Variants in CBLB observed in about 807,000 individuals in gnomAD.
CBLB encodes Cbl proto-oncogene B, also known as E3 ubiquitin-protein ligase CBL-B.
In CBLB, 31 loss-of-function variants were observed where a neutral mutation model predicts 104.9. The ratio of observed to expected loss-of-function variants is 0.30; its 90% CI spans 0.22 to 0.40. The LOEUF is 0.40. CBLB is among the 10% of genes least tolerant of loss of function. The pLI is 1.00. For synonymous variants in CBLB, 440 were observed against 422.6 expected (o/e 1.04, Z -0.51); for missense variants, 1,062 against 1,214.6 (o/e 0.87, Z 1.87).
At chr3:105,713,142 T>C (rs2071343161) in intron 10 of CBLB, among the ~76,000 whole-genome samples, 1 of 152,172 alleles carries the variant, frequency 6.6e-6, no homozygotes, top group Admixed American at 6.5e-5. Flanking sequence ...TAACAACCAA[T>C]ACTTAGCATT....
intron 3 of CBLB, among the ~76,000 whole-genome samples, chr3:105,849,841 T>C (rs1384641098): frequency 6.6e-6 from 1 of 152,084 alleles, no homozygotes; most frequent in Non-Finnish European, 1.5e-5. Context: ...AAAAGAATTA[T>C]AAAGACATTT....
chr3:105,836,917 T>C (rs941776300), intron 3 of CBLB, among the ~76,000 whole-genome samples: 12 of 150,430 alleles, frequency 8.0e-5, no homozygotes, highest in African/African-American at 2.7e-4. Flanking sequence ...ATTCAAAATA[T>C]CTCAGATGTC....
At position 105,867,394 on chromosome 3, in the gene CBLB, G is replaced by T. The variant is rs199855968; in HGVS notation, c.168+16C>A. ...GTGAATAGTGTTTCGCACAGGCAAC[G>T]TCAGACAGAACTTACCACTTTGTCC... On this transcript the variant is annotated intron_variant, in intron 2 of 18. Transcript: ENST00000394030. 8 of 1,613,122 alleles carry T rather than the reference G, an allele frequency of 5.0e-6. No individual in the cohort carries two copies. The highest frequency in any genetic ancestry group is 5.9e-6 in the Non-Finnish European group (7 of 1,179,068).
intron 3 of CBLB, among the ~76,000 whole-genome samples, chr3:105,796,235 CA>C (rs1417539344): frequency 6.6e-6 from 1 of 152,048 alleles, no homozygotes; most frequent in Admixed American, 6.5e-5. Flanking sequence ...GGTACTGGTA[CA>C]AAAATAGATA....
intron 3 of CBLB, among the ~76,000 whole-genome samples, chr3:105,785,400 G>C (rs1232279123): frequency 1.3e-5 from 2 of 152,114 alleles, no homozygotes; most frequent in African/African-American, 2.4e-5. Flanking sequence ...TGTGAGTTCT[G>C]AGACCTTTTA....
At chr3:105,851,558 G>A (rs1279411675) in intron 3 of CBLB, among the ~76,000 whole-genome samples, 1 of 152,144 alleles carries the variant, frequency 6.6e-6, no homozygotes, top group Non-Finnish European at 1.5e-5. Context: ...ATCAACAATA[G>A]TTTATCAACT....
At chr3:105,781,556 A>C (rs62261536) in intron 3 of CBLB, among the ~76,000 whole-genome samples, 26,215 of 152,188 alleles carry the variant, frequency 0.17, 2,643 homozygotes, top group Admixed American at 0.28. Context: ...TGAATAAATA[A>C]ATAAAAGAAA....
At chr3:105,838,363 C>T in intron 3 of CBLB, among the ~76,000 whole-genome samples, 1 of 144,534 alleles carries the variant, frequency 6.9e-6, no homozygotes, top group Non-Finnish European at 1.5e-5. Flanking sequence ...TTAACTGCCA[C>T]ATGAAAGGCC....
At chr3:105,747,774 G>A (rs1015381485) in intron 5 of CBLB, among the ~76,000 whole-genome samples, 2 of 151,878 alleles carry the variant, frequency 1.3e-5, no homozygotes, top group East Asian at 1.9e-4. Context: ...CAAATATTTG[G>A]GTCACTTCCA....
intron 4 of CBLB, among the ~76,000 whole-genome samples, chr3:105,775,574 T>A (rs2079363321): frequency 6.6e-6 from 1 of 152,186 alleles, no homozygotes; most frequent in South Asian, 2.1e-4. Context: ...TTGCCTACAT[T>A]CTAGGACATT....
At chr3:105,662,996 C>G (rs2063941608) in intron 18 of CBLB, among the ~76,000 whole-genome samples, 1 of 152,216 alleles carries the variant, frequency 6.6e-6, no homozygotes. Flanking sequence ...ACTGCTGTTA[C>G]TACTTGAGAC....
chr3:105,716,739 T>C (rs1435039146), intron 10 of CBLB, among the ~76,000 whole-genome samples: 2 of 152,074 alleles, frequency 1.3e-5, no homozygotes, highest in Non-Finnish European at 2.9e-5. Context: ...CTAACTCCCA[T>C]AAGAAAGTAT....
intron 3 of CBLB, among the ~76,000 whole-genome samples, chr3:105,847,120 C>T (rs547032324): frequency 3.3e-5 from 5 of 152,052 alleles, no homozygotes; most frequent in African/African-American, 9.6e-5. Flanking sequence ...GTATCTTCAA[C>T]GTACCAATTG....
At chr3:105,754,899 G>A (rs887894996) in intron 4 of CBLB, among the ~76,000 whole-genome samples, 1 of 151,934 alleles carries the variant, frequency 6.6e-6, no homozygotes, top group African/African-American at 2.4e-5. Context: ...TATCATGAGA[G>A]ATAAGAACAT....
At chr3:105,817,489 A>G (rs917743291) in intron 3 of CBLB, among the ~76,000 whole-genome samples, 3 of 152,180 alleles carry the variant, frequency 2.0e-5, no homozygotes, top group Non-Finnish European at 4.4e-5. Context: ...GGAGGATGAG[A>G]ACCCTACAAG....
chr3:105,769,279 T>C (rs1023376361), intron 4 of CBLB, among the ~76,000 whole-genome samples: 1 of 151,920 alleles, frequency 6.6e-6, no homozygotes, highest in Non-Finnish European at 1.5e-5. Flanking sequence ...GATGGCGCCA[T>C]TGCACTCTAG....
chr3:105,706,950 A>G (rs919883823), intron 10 of CBLB, among the ~76,000 whole-genome samples: 2 of 152,152 alleles, frequency 1.3e-5, no homozygotes, highest in African/African-American at 4.8e-5. Context: ...GAAACAAGAC[A>G]CAGAATTGTG....
At chr3:105,665,412 A>ATATATATATAT (rs1559734328) in intron 18 of CBLB, among the ~76,000 whole-genome samples, 36 of 74,744 alleles carry the variant, frequency 4.8e-4, no homozygotes, top group Middle Eastern at 6.8e-3. Context: ...TAAATAAATA[A>ATATATATATAT]ATAAATATAT....
At chr3:105,688,621 A>G (rs1445269208) in intron 13 of CBLB, among the ~76,000 whole-genome samples, 1 of 152,124 alleles carries the variant, frequency 6.6e-6, no homozygotes, top group Non-Finnish European at 1.5e-5. Flanking sequence ...TATACATTAC[A>G]CCATATTTCT....
Sources: gnomAD v4.1 joint callset for allele counts (sites outside exome capture counted in the v4.1 genomes callset) on GRCh38, gnomAD v4.1.1 for gene constraint, MANE v1.5 for transcripts, NCBI Gene and HGNC (gene_info 2026-07-23, HGNC 2026-07-21) for gene names.